COPS9: variants seen among roughly 807,000 people sequenced by gnomAD.
COPS9 encodes the protein COP9 signalosome subunit 9, also known as COP9 signalosome complex subunit 9.
COPS9 carries 8 observed loss-of-function variants against 7.2 expected under a neutral mutation model. That is an observed-to-expected ratio of 1.11 (90% CI 0.65 to 2.00). The LOEUF (loss-of-function observed/expected upper bound fraction) is 2.00, where lower values mean the gene tolerates loss of function less well. Ranked by LOEUF, COPS9 falls within the 30% of genes most tolerant of loss-of-function variation. The pLI is 0.00. For synonymous variants in COPS9, 39 were observed against 28.7 expected, an observed-to-expected ratio of 1.36 and a Z score of -1.14; for missense variants, 74 against 77.7, an observed-to-expected ratio of 0.95 and a Z score of 0.18.
At position 240,132,931 on chromosome 2, in the gene COPS9, C is replaced by A. The variant is rs1194890263; in HGVS notation, c.136+1002G>T. Among the ~76,000 whole-genome samples, 1 of 152,210 alleles carries A rather than the reference C, an allele frequency of 6.6e-6. No homozygotes were observed. The highest frequency in any genetic ancestry group is 1.5e-5 in the Non-Finnish European group (1 of 68,044). ...CCAGGCTCATCTCAAATGTCATCTG[C>A]CTCAGTTCTGACTCCAGTTGGTAGC... On this transcript the variant is annotated intron_variant, in intron 2 of 2. Transcript: ENST00000607357. The surrounding 1 kb of genome is among the most constrained non-coding windows in gnomAD (Gnocchi z 4.1).
chr2:240,126,575 T>C, downstream of COPS9: 1 of 1,612,686 alleles, frequency 6.2e-7, no homozygotes, highest in Non-Finnish European at 8.5e-7. Flanking sequence ...ACCTCACATC[T>C]ATGCATGGCT....
At position 240,136,246 on chromosome 2, in the gene COPS9, G is replaced by A. The variant is rs776958249; in HGVS notation, c.39C>T (p.Ala13=). The change falls in exon 1 of 3, where the codon GCC becomes GCT. Residue 13 remains alanine (A), a synonymous_variant. Transcript: ENST00000607357. ...CCTCGTCCAGGTCCACGTAGGGCCCGGCGCCCTCGGGGAACATCTCGTCCA... is the reference window on the plus strand; with the variant it reads ...CCTCGTCCAGGTCCACGTAGGGCCCAGCGCCCTCGGGGAACATCTCGTCCA... The part of the protein sequence containing the change: ...PAVDEMFPEG[A]GPYVDLDEAG... 1.3e-6 allele frequency: 2 copies of A among 1,566,664 alleles called. No individual in the cohort carries two copies. Among genetic ancestry groups the A allele is most frequent in the Non-Finnish European group, 1.7e-6 (2 of 1,160,118 alleles).
chr2:240,133,444 G>A (rs936593761), intron 2 of COPS9, among the ~76,000 whole-genome samples: 16 of 152,190 alleles, frequency 1.1e-4, no homozygotes, highest in African/African-American at 2.7e-4. Context: ...CACATCCTGC[G>A]TCCTGATTTC....
chr2:240,130,667 A>G (rs905750755), downstream of COPS9, among the ~76,000 whole-genome samples: 2 of 152,266 alleles, frequency 1.3e-5, no homozygotes, highest in Non-Finnish European at 2.9e-5. Flanking sequence ...CTCCTGCTCC[A>G]GCACATACAG....
At position 240,136,278 on chromosome 2, in the gene COPS9, G is replaced by A; in HGVS notation, c.7C>T (p.Pro3Ser). Residue 3 changes from proline to serine, a missense_variant, in exon 1 of 3, where the codon CCG (proline) becomes TCG (serine). By Grantham distance (74) the Pro-to-Ser change is moderately conservative. Coordinates refer to ENST00000607357, the MANE Select transcript of COPS9 (RefSeq NM_001163424.2). MK[P>S]AVDEMFPEGA... ...TCGGGGAACATCTCGTCCACCGCCG[G>A]CTTCATCTCGGGGCCGCGGCGCTCT... is the stretch of plus-strand genomic sequence containing the variant. 1 of 1,568,890 alleles carries A rather than the reference G, an allele frequency of 6.4e-7. No individual in the cohort carries two copies. Among genetic ancestry groups the A allele is most frequent in the Non-Finnish European group, 8.6e-7 (1 of 1,161,476 alleles).
rs558973770 is a variant in COPS9 at position 240,130,958 on chromosome 2, C to A, written c.*93G>T. The A allele has an allele frequency of 3.3e-6, 5 of 1,535,424 alleles. No homozygotes were observed. In the East Asian group the frequency reaches 9.3e-5, roughly 29 times the overall value. Reference sequence around the variant, plus strand: ...AGGTCCTAAATTCAAGGGATTTCCACGTGTTCTTTAAAACCACCTGAAACT... The same window carrying A: ...AGGTCCTAAATTCAAGGGATTTCCAAGTGTTCTTTAAAACCACCTGAAACT... On this transcript the variant is annotated 3_prime_UTR_variant, in exon 3 of 3. Transcript: ENST00000607357.
chr2:240,131,127 G>A, intron 2 of COPS9, 39 bp from the exon 3 acceptor site: 1 of 1,603,796 alleles, frequency 6.2e-7, no homozygotes. Context: ...ACACCTACAA[G>A]GGTAAGGGCT....
At chr2:240,127,982 C>T (rs537760364), downstream of COPS9, among the ~76,000 whole-genome samples, 2 of 152,252 alleles carry the variant, frequency 1.3e-5, no homozygotes, top group Non-Finnish European at 2.9e-5. Flanking sequence ...CCATTCAAGA[C>T]ATACTTGAGA....
chr2:240,126,620 G>C, downstream of COPS9: 7 of 1,614,108 alleles, frequency 4.3e-6, no homozygotes, highest in Non-Finnish European at 5.9e-6. Flanking sequence ...CACCAGCAAC[G>C]GATGGTGTTT....
rs1364848483 is a variant in COPS9, at chr2:240,132,600, G to A, written c.136+1333C>T. Among the ~76,000 whole-genome samples, 2 of 152,180 alleles carry A rather than the reference G, an allele frequency of 1.3e-5. No individual in the cohort carries two copies. Among genetic ancestry groups the A allele is most frequent in the Non-Finnish European group, 2.9e-5 (2 of 68,034 alleles). ...GATGCTTTCCCGTCAGGATTCAAGG[G>A]CTGACTCTGGAAGTCATGTGAACTC... On this transcript the variant is annotated intron_variant, in intron 2 of 2. Coordinates refer to ENST00000607357, the MANE Select transcript of COPS9 (RefSeq NM_001163424.2). This position sits in a 1 kb window ranked among gnomAD's most constrained non-coding sequence, Gnocchi z 4.1.
chr2:240,135,944 G>A (rs766836175), intron 1 of COPS9: 21 of 480,268 alleles, frequency 4.4e-5, no homozygotes, highest in Non-Finnish European at 6.4e-5. Flanking sequence ...GTGTGTTCCC[G>A]GGGGCCGTGG....
At chr2:240,134,091 A>G (rs1574948813) in intron 1 of COPS9, 86 bp from the exon 2 acceptor site, 4 of 1,238,974 alleles carry the variant, frequency 3.2e-6, no homozygotes, top group East Asian at 4.7e-5. Flanking sequence ...TACCCCCACA[A>G]AAAAAGAAGA....
Position 240,135,143 on chromosome 2 carries a change from C to A in COPS9, c.63+1079G>T, listed in dbSNP as rs182125433. 3.0e-3 allele frequency among the ~76,000 whole-genome samples: 463 copies of A among 152,252 alleles called. 2 individuals are homozygous for A. Among genetic ancestry groups the A allele is most frequent in the Non-Finnish European group, 5.7e-3 (389 of 68,020 alleles). On this transcript the variant is annotated intron_variant, in intron 1 of 2. Coordinates refer to ENST00000607357, the MANE Select transcript of COPS9 (RefSeq NM_001163424.2). ...AGAGTCCCTACCCACTGTCTCCCCT[C>A]TCTCTGGCACTGCACGCTCAACCAT...
chr2:240,136,152 C>G (rs2071988706), intron 1 of COPS9, 70 bp downstream of exon 1: 1 of 1,395,846 alleles, frequency 7.2e-7, no homozygotes, highest in East Asian at 3.0e-5. Flanking sequence ...ACCCGCGCAC[C>G]AGGACGCCGC....
Position 240,130,943 on chromosome 2 carries a change from T to C in COPS9, c.*108A>G. ...TCTTTCTGGTTAACCAGGTCCTAAA[T>C]TCAAGGGATTTCCACGTGTTCTTTA... On this transcript the variant is annotated 3_prime_UTR_variant, in exon 3 of 3. Transcript: ENST00000607357. 6.6e-7 allele frequency: 1 copy of C among 1,512,896 alleles called. No individual in the cohort carries two copies. The highest frequency in any genetic ancestry group is 8.8e-7 in the Non-Finnish European group (1 of 1,130,486). 93.7% of individuals were successfully genotyped at this position (1,512,896 alleles called of 1,614,324 possible).
chr2:240,131,639 G>A (rs994508762), intron 2 of COPS9, among the ~76,000 whole-genome samples: 4 of 152,206 alleles, frequency 2.6e-5, no homozygotes, highest in African/African-American at 4.8e-5. Context: ...ATTCTCACTG[G>A]AAGAAACGCA....
Position 240,132,100 on chromosome 2 carries a change from C to T in COPS9, c.137-1012G>A, listed in dbSNP as rs755641463. 6.6e-6 allele frequency among the ~76,000 whole-genome samples: 1 copy of T among 152,228 alleles called. No homozygotes were observed. The highest frequency in any genetic ancestry group is 2.1e-4 in the South Asian group (1 of 4,830). On this transcript the variant is annotated intron_variant, in intron 2 of 2. Transcript: ENST00000607357. The surrounding 1 kb of genome is among the most constrained non-coding windows in gnomAD (Gnocchi z 4.1). ...CTGACTCCACACCTTCCGACCTCTGCTCTGCTGCCCCCTCTGGAGAAACCT... is the reference window on the plus strand; with the variant it reads ...CTGACTCCACACCTTCCGACCTCTGTTCTGCTGCCCCCTCTGGAGAAACCT...
intron 1 of COPS9, 194 bp downstream of exon 1, chr2:240,136,028 C>T (rs114922153): frequency 0.034 from 30,612 of 903,624 alleles, 721 homozygotes; most frequent in Admixed American, 0.12. Flanking sequence ...CTTCCCGCCG[C>T]GGTCGGTCGC....
chr2:240,136,113 G>GC, intron 1 of COPS9, 109 bp downstream of exon 1: 3 of 1,324,246 alleles, frequency 2.3e-6, no homozygotes, highest in Admixed American at 4.1e-5. Flanking sequence ...CGCGCCCATC[G>GC]CCCACCCGCC....
Sources: allele counts gnomAD v4.1 joint callset (sites outside exome capture counted in the v4.1 genomes callset), GRCh38; gene constraint gnomAD v4.1.1; non-coding constraint Gnocchi (gnomAD v3.1); transcripts MANE v1.5; gene names NCBI Gene and HGNC (gene_info 2026-07-23, HGNC 2026-07-21).